Variants in PRIM2 observed in about 807,000 individuals in gnomAD.
The protein encoded by PRIM2 is DNA primase subunit 2, also known as DNA primase large subunit.
PRIM2 carries 39 observed loss-of-function variants against 67.3 expected under a neutral mutation model. The observed-to-expected ratio is 0.58, with a 90% CI of 0.45 to 0.76. The LOEUF (loss-of-function observed/expected upper bound fraction) is 0.76. Ranked by LOEUF, PRIM2 falls within the 30% of genes least tolerant of loss-of-function variation. The pLI is 0.00. For synonymous variants in PRIM2, 143 were observed against 198.7 expected, an observed-to-expected ratio of 0.72 and a Z score of 2.36; for missense variants, 398 against 598.7, an observed-to-expected ratio of 0.66 and a Z score of 3.50.
chr6:57,411,820 C>T (rs561528685), intron 7 of PRIM2, among the ~76,000 whole-genome samples: 177 of 150,904 alleles, frequency 1.2e-3, no homozygotes, highest in African/African-American at 3.7e-3. Context: ...TAATGCTGAC[C>T]TTGTTAATGA....
intron 7 of PRIM2, among the ~76,000 whole-genome samples, chr6:57,485,291 G>GGCCCT (rs1328968057): frequency 6.6e-6 from 1 of 152,040 alleles, no homozygotes; most frequent in African/African-American, 2.4e-5. Context: ...TATTCTATGA[G>GGCCCT]GCCCTGCCCT....
intron 10 of PRIM2, among the ~76,000 whole-genome samples, chr6:57,561,161 G>A (rs1775620460): frequency 6.6e-6 from 1 of 152,154 alleles, no homozygotes; most frequent in Non-Finnish European, 1.5e-5. Flanking sequence ...GCTTCACCTT[G>A]TACTTTTATA....
At chr6:57,398,842 A>G (rs1460893804) in intron 7 of PRIM2, among the ~76,000 whole-genome samples, 2 of 152,106 alleles carry the variant, frequency 1.3e-5, no homozygotes, top group East Asian at 1.9e-4. Context: ...TGTTGAGTGC[A>G]TATATATTTA....
chr6:57,262,701 C>T, the PRIM2 span, among the ~76,000 whole-genome samples: 1 of 151,626 alleles, frequency 6.6e-6, no homozygotes, highest in Non-Finnish European at 1.5e-5. Context: ...CCTTCCCTGG[C>T]TCAGCCCCAA....
chr6:57,407,109 A>G (rs1770917987), intron 7 of PRIM2, among the ~76,000 whole-genome samples: 1 of 152,044 alleles, frequency 6.6e-6, no homozygotes, highest in African/African-American at 2.4e-5. Context: ...TAACTGTGTC[A>G]TCAAAAACTC....
At chr6:57,353,656 G>A (rs1768929906) in intron 5 of PRIM2, among the ~76,000 whole-genome samples, 1 of 152,146 alleles carries the variant, frequency 6.6e-6, no homozygotes, top group East Asian at 1.9e-4. Context: ...ATTACTATCG[G>A]TAGTCTTAGG....
chr6:57,379,764 G>A (rs1333183730), intron 5 of PRIM2, 137 bp from the exon 6 acceptor site: 3 of 722,420 alleles, frequency 4.2e-6, no homozygotes, highest in Non-Finnish European at 6.3e-6. Context: ...CAGATATCAT[G>A]TTAGAAATGA....
chr6:57,500,422 T>C (rs1197496525), intron 7 of PRIM2, among the ~76,000 whole-genome samples: 2 of 152,206 alleles, frequency 1.3e-5, no homozygotes, highest in Non-Finnish European at 2.9e-5. Context: ...GTCAACATAT[T>C]GTCAACCTAA....
chr6:57,473,569 C>T (rs1773390197), intron 7 of PRIM2, among the ~76,000 whole-genome samples: 16 of 152,078 alleles, frequency 1.1e-4, no homozygotes. Flanking sequence ...CTATTCAGTC[C>T]TTCATAGTGG....
intron 10 of PRIM2, among the ~76,000 whole-genome samples, chr6:57,571,151 C>A (rs1775856152): frequency 6.6e-6 from 1 of 152,062 alleles, no homozygotes; most frequent in Non-Finnish European, 1.5e-5. Flanking sequence ...CTTTAGAACA[C>A]CTGTCATTTC....
chr6:57,473,977 C>T (rs1773403971), intron 7 of PRIM2, among the ~76,000 whole-genome samples: 1 of 151,608 alleles, frequency 6.6e-6, no homozygotes, highest in Admixed American at 6.6e-5. Flanking sequence ...TTTTTCATTA[C>T]ATCTTTTCTT....
chr6:57,283,826 T>C, the PRIM2 span, among the ~76,000 whole-genome samples: 13 of 152,118 alleles, frequency 8.5e-5, no homozygotes, highest in African/African-American at 3.1e-4. Flanking sequence ...GCCTAAATTA[T>C]AGGTAATATA....
chr6:57,288,415 C>T, the PRIM2 span, among the ~76,000 whole-genome samples: 52 of 152,280 alleles, frequency 3.4e-4, no homozygotes, highest in East Asian at 5.8e-3. Context: ...CTAAACATTC[C>T]GGTCTGACAG....
chr6:57,405,119 G>A (rs1581870497), intron 7 of PRIM2, among the ~76,000 whole-genome samples: 2 of 151,282 alleles, frequency 1.3e-5, no homozygotes, highest in African/African-American at 4.8e-5. Flanking sequence ...AGCAGATTCA[G>A]TTGCTAGGAA....
At chr6:57,389,064 A>G (rs551678281) in intron 7 of PRIM2, among the ~76,000 whole-genome samples, 5 of 152,304 alleles carry the variant, frequency 3.3e-5, no homozygotes, top group African/African-American at 4.8e-5. Context: ...CTTTAAGGCA[A>G]AAATCTCTTT....
At chr6:57,628,100 C>A (rs1776983957) in intron 12 of PRIM2, among the ~76,000 whole-genome samples, 1 of 152,152 alleles carries the variant, frequency 6.6e-6, no homozygotes, top group African/African-American at 2.4e-5. Context: ...ATTGAAACAT[C>A]TTTTGTGAGC....
chr6:57,436,257 T>A (rs78619089), intron 7 of PRIM2, among the ~76,000 whole-genome samples: 5,016 of 152,204 alleles, frequency 0.033, 278 homozygotes, highest in African/African-American at 0.11. Context: ...AGCTTGGTTT[T>A]AGATGAAGAG....
chr6:57,632,350 T>C (rs1421785603), intron 13 of PRIM2, 149 bp downstream of exon 13: 4 of 368,118 alleles, frequency 1.1e-5, no homozygotes, highest in African/African-American at 4.2e-5. Flanking sequence ...ACAGCATTTA[T>C]TGAACGACCA....
At chr6:57,435,050 T>C (rs1771968707) in intron 7 of PRIM2, 1 of 152,230 alleles carries the variant, frequency 6.6e-6, no homozygotes, top group Non-Finnish European at 1.5e-5. Flanking sequence ...CCTCCGAAAG[T>C]GCTGGGATTA....
Sources: allele counts gnomAD v4.1 joint callset (sites outside exome capture counted in the v4.1 genomes callset), GRCh38; gene constraint gnomAD v4.1.1; transcripts MANE v1.5; gene names NCBI Gene and HGNC (gene_info 2026-07-23, HGNC 2026-07-21).